Variants in ASH1L observed in about 807,000 individuals in gnomAD.
The protein encoded by ASH1L is ASH1 like histone lysine methyltransferase.
A neutral mutation model predicts 269.0 loss-of-function variants in ASH1L; 23 were observed. The observed-to-expected ratio is 0.09, with a 90% CI of 0.06 to 0.12. ASH1L has a LOEUF of 0.12. Among genes scored for constraint, ASH1L ranks in the 10% least tolerant of loss-of-function variants. The pLI, the probability that ASH1L is intolerant of heterozygous loss-of-function variation, is 1.00. For missense variants in ASH1L, 2,912 were observed against 3,567.8 expected (o/e 0.82, Z 4.68); for synonymous variants, 1,187 against 1,253.5 (o/e 0.95, Z 1.12).
intron 1 of ASH1L, among the ~76,000 whole-genome samples, chr1:155,535,172 A>G (rs959073666): frequency 4.6e-5 from 7 of 151,964 alleles, no homozygotes; most frequent in South Asian, 4.2e-4. Flanking sequence ...CTGGGCAACA[A>G]TAGTAAAACT....
At chr1:155,416,830 C>G (rs1298779614) in intron 5 of ASH1L, among the ~76,000 whole-genome samples, 5 of 152,006 alleles carry the variant, frequency 3.3e-5, no homozygotes, top group East Asian at 3.9e-4. Context: ...CTGTGCCCAG[C>G]CCCACCTTGC....
chr1:155,394,587 C>T (rs1040300613), intron 7 of ASH1L, among the ~76,000 whole-genome samples: 13 of 152,088 alleles, frequency 8.5e-5, no homozygotes, highest in Non-Finnish European at 1.3e-4. Flanking sequence ...CACAACAGAA[C>T]TTGAGATGAA....
At chr1:155,455,641 T>C (rs963257506) in intron 4 of ASH1L, among the ~76,000 whole-genome samples, 15 of 152,196 alleles carry the variant, frequency 9.9e-5, no homozygotes, top group African/African-American at 3.6e-4. Flanking sequence ...TGCTACAATA[T>C]ATGAGAAAGC....
intron 5 of ASH1L, among the ~76,000 whole-genome samples, chr1:155,437,786 T>C (rs1355930944): frequency 6.6e-5 from 10 of 152,174 alleles, no homozygotes; most frequent in Non-Finnish European, 1.5e-4. Flanking sequence ...TACATAATCT[T>C]TCTGGGCCTT....
chr1:155,477,111 A>C (rs2148716143), intron 3 of ASH1L, among the ~76,000 whole-genome samples: 1 of 152,326 alleles, frequency 6.6e-6, no homozygotes, highest in Non-Finnish European at 1.5e-5. Flanking sequence ...GAGTTATTTT[A>C]CAAACTCTTA....
intron 7 of ASH1L, among the ~76,000 whole-genome samples, chr1:155,391,585 G>A (rs1657930007): frequency 6.6e-6 from 1 of 152,122 alleles, no homozygotes. Flanking sequence ...TTAACGTCCA[G>A]TAATTTTGGA....
At position 155,562,710 on chromosome 1, in the gene ASH1L, C is replaced by T. The variant is rs954897929; in HGVS notation, c.-657G>A. 403 of 1,473,560 alleles carry T rather than the reference C, an allele frequency of 2.7e-4. No homozygotes were observed. The highest frequency in any genetic ancestry group is 3.6e-4 in the Non-Finnish European group (396 of 1,094,524). The allele number at this position is 1,473,560 out of a possible 1,614,324, so 91.3% of individuals were successfully genotyped here. Reference sequence around the variant, plus strand: ...CCGTACGCGCTCACCCACAGGAACCCCCTCGTCCAGTCCCTCACTACCCCT... The same window carrying T: ...CCGTACGCGCTCACCCACAGGAACCTCCTCGTCCAGTCCCTCACTACCCCT... On this transcript the variant is annotated 5_prime_UTR_variant, in exon 1 of 28. Coordinates refer to ENST00000392403, the MANE Select transcript of ASH1L (RefSeq NM_018489.3).
At chr1:155,456,027 T>G (rs1454685296) in intron 4 of ASH1L, among the ~76,000 whole-genome samples, 2 of 152,190 alleles carry the variant, frequency 1.3e-5, no homozygotes, top group African/African-American at 2.4e-5. Flanking sequence ...GCTCTGTCTT[T>G]TGTCTCTTCC....
chr1:155,561,735 C>T (rs1671980286), intron 1 of ASH1L, among the ~76,000 whole-genome samples: 1 of 152,062 alleles, frequency 6.6e-6, no homozygotes, highest in South Asian at 2.1e-4. Flanking sequence ...TTCCCACATA[C>T]CGTTCAACGC....
At chr1:155,472,638 C>T (rs1665187265) in intron 3 of ASH1L, among the ~76,000 whole-genome samples, 1 of 152,150 alleles carries the variant, frequency 6.6e-6, no homozygotes, top group Admixed American at 6.5e-5. Context: ...ACAGTGAGGA[C>T]TGTGGCGAAC....
At chr1:155,407,218 G>A (rs373016302) in intron 6 of ASH1L, among the ~76,000 whole-genome samples, 67 of 151,746 alleles carry the variant, frequency 4.4e-4, no homozygotes, top group East Asian at 7.7e-4. Flanking sequence ...GCGAGACTCC[G>A]TCTCAAAAAA....
At chr1:155,502,428 G>T (rs1308403208) in intron 2 of ASH1L, among the ~76,000 whole-genome samples, 1 of 152,008 alleles carries the variant, frequency 6.6e-6, no homozygotes, top group East Asian at 1.9e-4. Context: ...ACATTCTCAA[G>T]CTATATTTTA....
Position 155,479,659 on chromosome 1 carries a change from C to G in ASH1L, c.3211G>C (p.Ala1071Pro), listed in dbSNP as rs772817628. 7 of 1,614,170 alleles carry G rather than the reference C, an allele frequency of 4.3e-6. No individual in the cohort carries two copies. Among genetic ancestry groups the G allele is most frequent in the Non-Finnish European group, 5.9e-6 (7 of 1,180,014 alleles). Residue 1071 changes from alanine to proline, a missense_variant, in exon 3 of 28, where the codon GCT (alanine) becomes CCT (proline). By Grantham distance (27) the Ala-to-Pro change is conservative. Around this residue, in one of 13 missense-constraint regions of ASH1L, gnomAD observed 157 missense variants for 154.6 expected, o/e 1.02. Transcript: ENST00000392403. The part of the protein sequence containing the change: ...GILSGSPTSL[A>P]VLEQTAQQAA... ...TGTTGAGCTGTTTGCTCAAGAACAG[C>G]AAGGCTAGTAGGACTACCAGAAAGA...
At chr1:155,433,484 A>G (rs1489887789) in intron 5 of ASH1L, 1 of 1,610,496 alleles carries the variant, frequency 6.2e-7, no homozygotes, top group Non-Finnish European at 8.5e-7. Context: ...AGCAGGAGTC[A>G]GGGTGGAGAG....
At position 155,411,586 on chromosome 1, in the gene ASH1L, A is replaced by AATATATATATATAAATAT. The variant is rs1553253332; in HGVS notation, c.6008+4157_6008+4158insATATTTATATATATATAT. 7.2e-5 allele frequency among the ~76,000 whole-genome samples: 4 copies of AATATATATATATAAATAT among 55,186 alleles called. No individual in the cohort carries two copies. The Admixed American group carries it at 7.5e-4, about 10-fold the overall frequency. 36.2% of individuals were successfully genotyped at this position (55,186 alleles called of 152,430 possible). A position where few individuals can be genotyped will look rare whatever the true frequency, so the allele number is the denominator to read the frequency against. On this transcript the variant is annotated intron_variant, in intron 6 of 27. Transcript: ENST00000392403. ...AAATATGAATATAAATAAATAAATA[A>AATATATATATATAAATAT]ATATATATATATATATATATATATA...
chr1:155,379,642 G>A (rs761579770), intron 8 of ASH1L, among the ~76,000 whole-genome samples: 3 of 152,110 alleles, frequency 2.0e-5, no homozygotes, highest in Non-Finnish European at 4.4e-5. Context: ...AATCTCTTTT[G>A]CATGTGAAAA....
intron 10 of ASH1L, among the ~76,000 whole-genome samples, chr1:155,371,662 TA>T (rs1194268669): frequency 1.3e-5 from 2 of 149,344 alleles, no homozygotes; most frequent in Non-Finnish European, 3.0e-5. Flanking sequence ...TTTACTGATT[TA>T]AAAAAAAATT....
intron 2 of ASH1L, among the ~76,000 whole-genome samples, chr1:155,492,412 T>G (rs1027399813): frequency 2.6e-5 from 4 of 152,180 alleles, no homozygotes; most frequent in Non-Finnish European, 4.4e-5. Context: ...CAATTAATTA[T>G]TTTTCGGTTT....
intron 1 of ASH1L, among the ~76,000 whole-genome samples, chr1:155,557,028 CCT>C (rs982453135): frequency 6.6e-6 from 1 of 151,904 alleles, no homozygotes; most frequent in Non-Finnish European, 1.5e-5. Flanking sequence ...ATAGTAAGAC[CCT>C]GTCTCAAAAA....
Sources: gnomAD v4.1 joint callset for allele counts (sites outside exome capture counted in the v4.1 genomes callset) on GRCh38, gnomAD v4.1.1 for gene constraint, gnomAD v4.1.1 regional missense constraint, MANE v1.5 for transcripts, NCBI Gene and HGNC (gene_info 2026-07-23, HGNC 2026-07-21) for gene names.